The following BLZF1 variants were observed in gnomAD, a reference collection of about 807,000 sequenced individuals.
BLZF1 encodes the protein golgin-45.
Under a neutral mutation model 43.8 loss-of-function variants are expected in BLZF1, and 39 were observed. The ratio of observed to expected loss-of-function variants is 0.89; its 90% CI spans 0.69 to 1.16. The LOEUF is 1.16. Among genes scored for constraint, BLZF1 ranks in the 50% most tolerant of loss-of-function variants. BLZF1 has a pLI of 0.00. For synonymous variants in BLZF1, 136 were observed against 159.4 expected, an observed-to-expected ratio of 0.85 and a Z score of 1.11; for missense variants, 449 against 469.8, an observed-to-expected ratio of 0.96 and a Z score of 0.41.
At chr1:169,369,393 A>G (rs1654026295) in intron 1 of BLZF1, 80 bp from the exon 2 acceptor site, 1 of 680,756 alleles carries the variant, frequency 1.5e-6, no homozygotes, top group South Asian at 2.6e-5. Flanking sequence ...AGCAATTAAA[A>G]TATCATAACT....
intron 2 of BLZF1, among the ~76,000 whole-genome samples, chr1:169,370,752 C>G (rs1654093217): frequency 6.6e-6 from 1 of 152,110 alleles, no homozygotes; most frequent in Non-Finnish European, 1.5e-5. Flanking sequence ...TCAACACTTT[C>G]CACCACTGTT....
At chr1:169,374,378 C>T (rs1164373791) in intron 2 of BLZF1, among the ~76,000 whole-genome samples, 1 of 151,982 alleles carries the variant, frequency 6.6e-6, no homozygotes, top group African/African-American at 2.4e-5. Flanking sequence ...TCAGTGCTAC[C>T]ATGCTTTGTT....
Position 169,388,304 on chromosome 1 carries a change from T to C in BLZF1, c.*1122T>C, listed in dbSNP as rs983472265. On this transcript the variant is annotated 3_prime_UTR_variant, in exon 7 of 7. Coordinates refer to ENST00000367808, the MANE Select transcript of BLZF1 (RefSeq NM_001320973.2). ...TGGCAATAAATTTATCTACCTTCTT[T>C]ATTGCGACTATTCCTTTTTTCCCCC... 13 of 152,224 alleles carry C rather than the reference T, an allele frequency of 8.5e-5. No individual in the cohort carries two copies. Among genetic ancestry groups the C allele is most frequent in the Non-Finnish European group, 1.9e-4 (13 of 68,038 alleles). 9.4% of individuals were successfully genotyped at this position (152,224 alleles called of 1,614,324 possible). A position where few individuals can be genotyped will look rare whatever the true frequency, so the allele number is the denominator to read the frequency against.
chr1:169,369,472 GGTT>G lies in BLZF1; in HGVS notation c.-47_-45del. On this transcript the variant is annotated splice_region_variant and 5_prime_UTR_variant, in exon 2 of 7. Transcript: ENST00000367808. ...ATTATTTCATATGCATACATTTCTA[GGTT>G]GTTCAGCAGAAGTCTTGGAGTGCAT... 1 of 1,532,026 alleles carries G rather than the reference GGTT, an allele frequency of 6.5e-7. No individual in the cohort carries two copies. The highest frequency in any genetic ancestry group is 8.9e-7 in the Non-Finnish European group (1 of 1,118,342). 94.9% of individuals were successfully genotyped at this position (1,532,026 alleles called of 1,614,324 possible). A position where few individuals can be genotyped will look rare whatever the true frequency, so the allele number is the denominator to read the frequency against.
chr1:169,388,893 G>A (rs1267973329), downstream of BLZF1, among the ~76,000 whole-genome samples: 1 of 152,056 alleles, frequency 6.6e-6, no homozygotes, highest in African/African-American at 2.4e-5. Context: ...GGCCGAGGTG[G>A]GTGGGTCACC....
chr1:169,391,545 GAGGA>G (rs946080651), downstream of BLZF1, among the ~76,000 whole-genome samples: 1 of 152,196 alleles, frequency 6.6e-6, no homozygotes, highest in Non-Finnish European at 1.5e-5. Context: ...ATGAACTGGG[GAGGA>G]AGGGAGTTTT....
At chr1:169,381,143 C>T (rs1385990242) in intron 5 of BLZF1, among the ~76,000 whole-genome samples, 3 of 151,248 alleles carry the variant, frequency 2.0e-5, no homozygotes, top group African/African-American at 7.3e-5. Context: ...AACGTCTAAC[C>T]AGTTTAATCA....
Position 169,387,334 on chromosome 1 carries a change from G to A in BLZF1, c.*152G>A. ...AAGATATTTTATGTACTAGACTCCA[G>A]ATTACCCTTTCTTAATAAATATCTC... On this transcript the variant is annotated 3_prime_UTR_variant, in exon 7 of 7. Transcript: ENST00000367808. 1 of 612,326 alleles carries A rather than the reference G, an allele frequency of 1.6e-6. No homozygotes were observed. The highest frequency in any genetic ancestry group is 2.6e-5 in the South Asian group (1 of 38,280). 37.9% of individuals were successfully genotyped at this position (612,326 alleles called of 1,614,324 possible).
At chr1:169,370,433 A>G (rs984710801) in intron 2 of BLZF1, among the ~76,000 whole-genome samples, 1 of 152,180 alleles carries the variant, frequency 6.6e-6, no homozygotes, top group Non-Finnish European at 1.5e-5. Flanking sequence ...ACTGTTGACC[A>G]TTCCCTGCCT....
chr1:169,389,294 C>CAA (rs558564302), downstream of BLZF1, among the ~76,000 whole-genome samples: 3 of 147,768 alleles, frequency 2.0e-5, no homozygotes, highest in African/African-American at 7.5e-5. Context: ...AACTTCCTCT[C>CAA]AAAAAAAAAC....
At position 169,378,342 on chromosome 1, in the gene BLZF1, T is replaced by C. The variant is rs748096694; in HGVS notation, c.481T>C (p.Leu161=). The change falls in exon 4 of 7, where the codon TTA becomes CTA. Residue 161 remains leucine (L), a synonymous_variant. Coordinates refer to ENST00000367808, the MANE Select transcript of BLZF1 (RefSeq NM_001320973.2). ...LRVQTEVNRE[L]KKLLVASVGD... ...CGTTCTCTTCTAGGTAAATCGTGAGTTAAAAAAGTTACTGGTGGCTTCTGT... is the reference window on the plus strand; with the variant it reads ...CGTTCTCTTCTAGGTAAATCGTGAGCTAAAAAAGTTACTGGTGGCTTCTGT... 6 of 1,612,548 alleles carry C rather than the reference T, an allele frequency of 3.7e-6. No homozygotes were observed. Among genetic ancestry groups the C allele is most frequent in the Non-Finnish European group, 5.1e-6 (6 of 1,178,844 alleles).
chr1:169,378,972 T>TA (rs1248664604), intron 4 of BLZF1, among the ~76,000 whole-genome samples: 10 of 151,958 alleles, frequency 6.6e-5, no homozygotes, highest in Admixed American at 5.9e-4. Context: ...AATAGAAAAT[T>TA]ATAACATTTT....
intron 2 of BLZF1, among the ~76,000 whole-genome samples, chr1:169,370,491 C>T (rs779706960): frequency 2.6e-5 from 4 of 152,164 alleles, no homozygotes; most frequent in African/African-American, 4.8e-5. Context: ...CTTTTATTTT[C>T]AGTCTACTCT....
At chr1:169,386,805 A>G (rs767050131) in intron 6 of BLZF1, among the ~76,000 whole-genome samples, 192 bp from the exon 7 acceptor site, 23 of 152,174 alleles carry the variant, frequency 1.5e-4, no homozygotes, top group Non-Finnish European at 2.8e-4. Flanking sequence ...ATAATATAGT[A>G]ATCAGACATC....
At chr1:169,391,269 C>T (rs187668681), downstream of BLZF1, among the ~76,000 whole-genome samples, 8 of 152,294 alleles carry the variant, frequency 5.3e-5, no homozygotes, top group Admixed American at 3.3e-4. Context: ...GTTAACTCAC[C>T]CTTTGAGTTC....
intron 2 of BLZF1, among the ~76,000 whole-genome samples, chr1:169,371,749 C>G (rs1654127519): frequency 6.6e-6 from 1 of 152,094 alleles, no homozygotes; most frequent in Non-Finnish European, 1.5e-5. Flanking sequence ...AAATCCAAAG[C>G]TTTTCTTGGA....
downstream of BLZF1, among the ~76,000 whole-genome samples, chr1:169,390,085 T>C (rs996965628): frequency 3.9e-5 from 6 of 152,158 alleles, no homozygotes; most frequent in Non-Finnish European, 7.4e-5. Context: ...TTAAAAAATA[T>C]TTAAAATGGT....
intron 7 of BLZF1, among the ~76,000 whole-genome samples, chr1:169,394,473 C>CCTT (rs1654906286): frequency 6.6e-6 from 1 of 152,020 alleles, no homozygotes; most frequent in South Asian, 2.1e-4. Flanking sequence ...ACCCTTGCTC[C>CCTT]CTTCCCTCAC....
intron 2 of BLZF1, among the ~76,000 whole-genome samples, chr1:169,374,530 C>T (rs890102930): frequency 1.3e-5 from 2 of 152,054 alleles, no homozygotes; most frequent in Non-Finnish European, 2.9e-5. Flanking sequence ...GGAAATGACA[C>T]GATTTTATTC....
Sources: gnomAD v4.1 joint callset for allele counts (sites outside exome capture counted in the v4.1 genomes callset) on GRCh38, gnomAD v4.1.1 for gene constraint, MANE v1.5 for transcripts, NCBI Gene and HGNC (gene_info 2026-07-23, HGNC 2026-07-21) for gene names.